The following PCLO variants were observed in gnomAD, a reference collection of about 807,000 sequenced individuals.
PCLO encodes the protein protein piccolo.
Under a neutral mutation model 427.5 loss-of-function variants are expected in PCLO, and 82 were observed. The observed-to-expected ratio is 0.19, with a 90% CI of 0.16 to 0.23. The LOEUF (loss-of-function observed/expected upper bound fraction) is 0.23, where lower values mean the gene tolerates loss of function less well. Among genes scored for constraint, PCLO ranks in the 10% least tolerant of loss-of-function variants. The pLI is 1.00. For synonymous variants in PCLO, 2,357 were observed against 2,155.4 expected (o/e 1.09, Z -2.59); for missense variants, 6,239 against 6,115.9 (o/e 1.02, Z -0.67).
chr7:82,981,200 T>C (rs1489783897), intron 3 of PCLO, among the ~76,000 whole-genome samples: 2 of 151,652 alleles, frequency 1.3e-5, no homozygotes, highest in African/African-American at 2.4e-5. Context: ...GGTACTATTC[T>C]GGGGGTGGGA....
intron 3 of PCLO, among the ~76,000 whole-genome samples, chr7:83,033,682 T>C (rs1445964077): frequency 6.6e-6 from 1 of 152,178 alleles, no homozygotes; most frequent in Non-Finnish European, 1.5e-5. Flanking sequence ...ATCACATATA[T>C]TGCAATCTTT....
At position 82,755,179 on chromosome 7, in the gene PCLO, C is replaced by T. The variant is rs1790290443; in HGVS notation, c.*3396G>A. 6.6e-6 allele frequency: 1 copy of T among 152,048 alleles called. No individual in the cohort carries two copies. The highest frequency in any genetic ancestry group is 6.6e-5 in the Admixed American group (1 of 15,254). The allele number at this position is 152,048 out of a possible 1,614,324, so 9.4% of individuals were successfully genotyped here. Reference sequence around the variant, plus strand: ...TCAGCTGGTTACCAGCTATAATATTCCCACAATATGACTATTTAAATGTGT... The same window carrying T: ...TCAGCTGGTTACCAGCTATAATATTTCCACAATATGACTATTTAAATGTGT... On this transcript the variant is annotated 3_prime_UTR_variant, in exon 25 of 25. Coordinates refer to ENST00000333891, the MANE Select transcript of PCLO (RefSeq NM_033026.6).
chr7:83,117,225 T>A (rs1791157321), intron 3 of PCLO, among the ~76,000 whole-genome samples: 1 of 152,184 alleles, frequency 6.6e-6, no homozygotes, highest in Admixed American at 6.5e-5. Context: ...GTAGAAGGCC[T>A]GAGAAGTAGT....
chr7:82,828,090 A>C, intron 16 of PCLO, 124 bp from the exon 17 acceptor site: 2 of 640,462 alleles, frequency 3.1e-6, no homozygotes, highest in Non-Finnish European at 2.8e-6. Context: ...TAATTATCTC[A>C]TCATCCTCAT....
chr7:82,905,780 T>A lies in PCLO; in HGVS notation c.13438-3039A>T, dbSNP rs541648312. Among the ~76,000 whole-genome samples the A allele has an allele frequency of 6.6e-5, 10 of 152,012 alleles. No individual in the cohort carries two copies. In the East Asian group the frequency reaches 1.8e-3, roughly 27 times the overall value. On this transcript the variant is annotated intron_variant, in intron 8 of 24. Transcript: ENST00000333891. ...TTCATGGGAGCTTAATGTACCTCAA[T>A]GCAGCAGTTGGGTAGGAATTGCAGA...
Position 83,023,034 on chromosome 7 carries a change from A to G in PCLO, c.3301-56547T>C, listed in dbSNP as rs375482611. On this transcript the variant is annotated intron_variant, in intron 3 of 24. Coordinates refer to ENST00000333891, the MANE Select transcript of PCLO (RefSeq NM_033026.6). ...TAAGATAAATATCATCTGTAAATGCATATATCAAATCTGTACATGTATAAT... is the reference window on the plus strand; with the variant it reads ...TAAGATAAATATCATCTGTAAATGCGTATATCAAATCTGTACATGTATAAT... Among the ~76,000 whole-genome samples, 5 of 152,190 alleles carry G rather than the reference A, an allele frequency of 3.3e-5. No individual in the cohort carries two copies. The East Asian group carries it at 9.6e-4, about 29-fold the overall frequency.
At position 82,951,379 on chromosome 7, in the gene PCLO, G is replaced by T. The variant is rs1294778326; in HGVS notation, c.9209C>A (p.Pro3070Gln). The change falls in exon 6 of 25, where the codon CCA becomes CAA. Residue 3070 changes from proline (P) to glutamine (Q), a missense_variant. By Grantham distance (76) the Pro-to-Gln change is moderately conservative. This residue lies in a region of PCLO where 4,677 missense variants were observed against 4,468.4 expected (regional missense o/e 1.05). Transcript: ENST00000333891. ...CACACAATACTGGGGTCCTGGTGGT[G>T]GTGTCATTCTTGCTGTGGAATACTG... ...TPQYSTARMTPPPGPQYCVGS... is the reference protein window; with the variant it reads ...TPQYSTARMTQPPGPQYCVGS... The T allele has an allele frequency of 3.7e-6, 6 of 1,604,204 alleles. No individual in the cohort carries two copies. Among genetic ancestry groups the T allele is most frequent in the Non-Finnish European group, 4.3e-6 (5 of 1,174,956 alleles).
At chr7:82,879,922 AAATT>A (rs775041187) in intron 9 of PCLO, 2 of 418,892 alleles carry the variant, frequency 4.8e-6, no homozygotes, top group South Asian at 1.8e-5. Context: ...CATAATTTAT[AAATT>A]ATTTATTTTT....
intron 3 of PCLO, among the ~76,000 whole-genome samples, chr7:83,118,284 G>A (rs1356159464): frequency 6.6e-6 from 1 of 152,164 alleles, no homozygotes; most frequent in African/African-American, 2.4e-5. Context: ...CAGGAAGGCA[G>A]AGCAAAATGG....
chr7:82,770,463 A>G (rs755690003), intron 22 of PCLO, among the ~76,000 whole-genome samples: 1 of 152,014 alleles, frequency 6.6e-6, no homozygotes, highest in East Asian at 1.9e-4. Context: ...AGAAAACATA[A>G]GGTTAATTGC....
intron 10 of PCLO, among the ~76,000 whole-genome samples, chr7:82,867,566 A>G (rs1407460405): frequency 6.6e-6 from 1 of 152,124 alleles, no homozygotes; most frequent in Non-Finnish European, 1.5e-5. Flanking sequence ...CAAAGTAACC[A>G]CTCCAAGCTT....
At chr7:82,939,361 C>G (rs1795026656) in intron 6 of PCLO, among the ~76,000 whole-genome samples, 1 of 151,886 alleles carries the variant, frequency 6.6e-6, no homozygotes, top group Admixed American at 6.6e-5. Context: ...TGACACAAAG[C>G]CTTCACTAAA....
At chr7:82,895,037 G>T (rs189845237) in intron 9 of PCLO, among the ~76,000 whole-genome samples, 1 of 152,098 alleles carries the variant, frequency 6.6e-6, no homozygotes, top group African/African-American at 2.4e-5. Context: ...CTCACAAATT[G>T]CTTGTGCTTT....
At chr7:82,967,914 T>C (rs980492757) in intron 3 of PCLO, among the ~76,000 whole-genome samples, 4 of 152,218 alleles carry the variant, frequency 2.6e-5, no homozygotes, top group African/African-American at 7.2e-5. Flanking sequence ...ATGCATTACA[T>C]TGTGCTCTGA....
Position 82,820,581 on chromosome 7 carries a change from A to G in PCLO, c.14791+1914T>C, listed in dbSNP as rs573240564. 5 of 1,228,232 alleles carry G rather than the reference A, an allele frequency of 4.1e-6. No individual in the cohort carries two copies. In the South Asian group the frequency reaches 2.1e-4, roughly 52 times the overall value. The allele number at this position is 1,228,232 out of a possible 1,614,324, so 76.1% of individuals were successfully genotyped here. ...ACAACTATGGAAACACGAGTGGAAA[A>G]TGTCTGTTTGTAGGATCAAGAGAGA... On this transcript the variant is annotated intron_variant, in intron 20 of 24. Transcript: ENST00000333891.
At chr7:82,999,464 AATATATATCCATTATTATAAAATATAAT>A (rs1787726400) in intron 3 of PCLO, among the ~76,000 whole-genome samples, 1 of 108,304 alleles carries the variant, frequency 9.2e-6, no homozygotes, top group African/African-American at 3.8e-5. Context: ...TAAAATATAT[AATATATATCCATTATTATAAAATATAAT>A]ATATATAATA....
intron 6 of PCLO, among the ~76,000 whole-genome samples, chr7:82,927,192 A>G (rs1488563727): frequency 1.3e-5 from 2 of 152,298 alleles, no homozygotes; most frequent in South Asian, 2.1e-4. Flanking sequence ...ATCCAGCACC[A>G]TAAGAAAATT....
chr7:82,829,392 C>T (rs891160719), intron 16 of PCLO, among the ~76,000 whole-genome samples: 2 of 152,110 alleles, frequency 1.3e-5, no homozygotes, highest in African/African-American at 4.8e-5. Context: ...TTTTTGAAGG[C>T]TCGCAGGTGA....
chr7:82,951,220 G>T lies in PCLO; in HGVS notation c.9368C>A (p.Thr3123Lys), dbSNP rs372321999. The T allele has an allele frequency of 3.1e-6, 5 of 1,613,402 alleles. No homozygotes were observed. The highest frequency in any genetic ancestry group is 4.2e-6 in the Non-Finnish European group (5 of 1,179,700). The change falls in exon 6 of 25, where the codon ACG (threonine) becomes AAG (lysine). Residue 3123 changes from threonine to lysine, a missense_variant. By Grantham distance (78) the Thr-to-Lys change is moderately conservative (BLOSUM62 -1). Around this residue, in one of 5 missense-constraint regions of PCLO, gnomAD observed 4,677 missense variants for 4,468.4 expected, o/e 1.05. Coordinates refer to ENST00000333891, the MANE Select transcript of PCLO (RefSeq NM_033026.6). ...TTVRDLSGIH[T>K]ADAVTSLPAM... ...AGGTAATGAAGTCACTGCATCAGCCGTATGAATACCAGACAAATCCCTCAC... is the reference window on the plus strand; with the variant it reads ...AGGTAATGAAGTCACTGCATCAGCCTTATGAATACCAGACAAATCCCTCAC...
Sources: gnomAD v4.1 joint callset for allele counts (sites outside exome capture counted in the v4.1 genomes callset) on GRCh38, gnomAD v4.1.1 for gene constraint, gnomAD v4.1.1 regional missense constraint, MANE v1.5 for transcripts, NCBI Gene and HGNC (gene_info 2026-07-23, HGNC 2026-07-21) for gene names.